Variants in CDH4 observed in about 807,000 individuals in gnomAD.
The protein encoded by CDH4 is cadherin-4.
Under a neutral mutation model 86.0 loss-of-function variants are expected in CDH4, and 33 were observed. The ratio of observed to expected loss-of-function variants is 0.38; its 90% CI spans 0.29 to 0.51. The LOEUF (loss-of-function observed/expected upper bound fraction) is 0.51. Ranked by LOEUF, CDH4 falls within the 20% of genes least tolerant of loss-of-function variation. The pLI, the probability that CDH4 is intolerant of heterozygous loss-of-function variation, is 0.86. For synonymous variants in CDH4, 555 were observed against 549.4 expected, an observed-to-expected ratio of 1.01 and a Z score of -0.14; for missense variants, 1,114 against 1,307.4, an observed-to-expected ratio of 0.85 and a Z score of 2.28.
intron 4 of CDH4, among the ~76,000 whole-genome samples, chr20:61,835,791 CCT>C (rs1408174317): frequency 3.9e-5 from 6 of 152,186 alleles, no homozygotes; most frequent in Non-Finnish European, 7.4e-5. Context: ...TCCAGGTGGG[CCT>C]CTCTGTGGCT....
chr20:61,621,620 G>A (rs60772399), intron 2 of CDH4, among the ~76,000 whole-genome samples: 18,668 of 152,116 alleles, frequency 0.12, 1,557 homozygotes, highest in African/African-American at 0.23. Context: ...CAGCACACAC[G>A]AGCATCAGCT....
intron 2 of CDH4, among the ~76,000 whole-genome samples, chr20:61,736,311 A>C (rs1252328866): frequency 6.6e-6 from 1 of 152,118 alleles, no homozygotes. Flanking sequence ...TGCAAGTGCC[A>C]TCAGCACTAC....
intron 9 of CDH4, among the ~76,000 whole-genome samples, chr20:61,917,797 C>A (rs1284311137): frequency 6.6e-6 from 1 of 152,250 alleles, no homozygotes; most frequent in Non-Finnish European, 1.5e-5. Flanking sequence ...ACTGCTGGAG[C>A]AAATTACCTA....
intron 2 of CDH4, among the ~76,000 whole-genome samples, chr20:61,730,718 C>T (rs1373269161): frequency 6.6e-6 from 1 of 152,210 alleles, no homozygotes; most frequent in African/African-American, 2.4e-5. Context: ...CCAGGGCAAC[C>T]TGAGCAGCCA....
intron 2 of CDH4, among the ~76,000 whole-genome samples, chr20:61,275,773 T>C (rs2084228296): frequency 6.6e-6 from 1 of 152,064 alleles, no homozygotes; most frequent in Non-Finnish European, 1.5e-5. Context: ...ACTGTGCTTT[T>C]CTGAAGGATC....
Position 61,803,117 on chromosome 20 carries a change from G to A in CDH4, c.576+29935G>A, listed in dbSNP as rs117131162. 5.9e-3 allele frequency among the ~76,000 whole-genome samples: 895 copies of A among 152,312 alleles called. 6 individuals are homozygous for A. Among genetic ancestry groups the A allele is most frequent in the Admixed American group, 0.01 (159 of 15,306 alleles). On this transcript the variant is annotated intron_variant, in intron 4 of 15. Coordinates refer to ENST00000614565, the MANE Select transcript of CDH4 (RefSeq NM_001794.5). ...GAGCGGCCAGCCCTGTCTCAGCAGC[G>A]CGGCGAGTCGCAGCTCCGTCGTTGA... is the stretch of plus-strand genomic sequence containing the variant.
At chr20:61,283,775 G>C (rs2084277934) in intron 2 of CDH4, among the ~76,000 whole-genome samples, 1 of 152,220 alleles carries the variant, frequency 6.6e-6, no homozygotes, top group African/African-American at 2.4e-5. Context: ...TGAATTTCTG[G>C]TTCAGAAGCT....
chr20:61,860,703 ACTGAAGGCGT>A (rs1216886631), intron 6 of CDH4, among the ~76,000 whole-genome samples: 1 of 152,146 alleles, frequency 6.6e-6, no homozygotes, highest in Non-Finnish European at 1.5e-5. Context: ...GACAGTGACC[ACTGAAGGCGT>A]CTGTCCAGGT....
At chr20:61,322,644 T>A (rs1175690591) in intron 2 of CDH4, among the ~76,000 whole-genome samples, 1 of 152,184 alleles carries the variant, frequency 6.6e-6, no homozygotes, top group Non-Finnish European at 1.5e-5. Context: ...CCCAGAGCCC[T>A]TTCCAGGCAA....
At chr20:61,305,648 G>A (rs1258515905) in intron 2 of CDH4, among the ~76,000 whole-genome samples, 1 of 152,168 alleles carries the variant, frequency 6.6e-6, no homozygotes, top group African/African-American at 2.4e-5. Flanking sequence ...CAGGGCTTTG[G>A]TGGCCATGAG....
chr20:61,870,212 C>T lies in CDH4; in HGVS notation c.878-3516C>T, dbSNP rs148401600. On this transcript the variant is annotated intron_variant, in intron 6 of 15. Transcript: ENST00000614565. ...AGCCCTGCTCCACCGCTGTCCGATG[C>T]GTGACTGGCCCGAGTTCCTGCACGT... Among the ~76,000 whole-genome samples, 92 of 152,294 alleles carry T rather than the reference C, an allele frequency of 6.0e-4. No individual in the cohort carries two copies. The East Asian group carries it at 0.013, about 21-fold the overall frequency.
intron 4 of CDH4, among the ~76,000 whole-genome samples, chr20:61,838,638 C>T (rs999310468): frequency 2.0e-5 from 3 of 151,992 alleles, no homozygotes; most frequent in Admixed American, 1.3e-4. Flanking sequence ...GAAACCCCGT[C>T]TCTCCTAAAA....
chr20:61,747,596 G>A (rs1408339912), intron 3 of CDH4, among the ~76,000 whole-genome samples: 2 of 152,158 alleles, frequency 1.3e-5, no homozygotes, highest in African/African-American at 4.8e-5. Context: ...CTTAATCGTT[G>A]GGCAGTTTGG....
intron 2 of CDH4, among the ~76,000 whole-genome samples, chr20:61,595,588 T>G (rs2086551541): frequency 6.6e-6 from 1 of 152,242 alleles, no homozygotes; most frequent in South Asian, 2.1e-4. Context: ...TTTCTGTTAC[T>G]TCTTTATTGT....
At chr20:61,700,192 T>C (rs2087760115) in intron 2 of CDH4, among the ~76,000 whole-genome samples, 1 of 152,184 alleles carries the variant, frequency 6.6e-6, no homozygotes, top group Admixed American at 6.5e-5. Context: ...TGCTCTTGCC[T>C]TCAAAGACTG....
At chr20:61,488,460 C>T (rs765605518) in intron 2 of CDH4, among the ~76,000 whole-genome samples, 5 of 152,192 alleles carry the variant, frequency 3.3e-5, no homozygotes, top group African/African-American at 4.8e-5. Context: ...AGGCATCCCA[C>T]GGTGGTGATT....
chr20:61,418,204 T>G (rs2085157178), intron 2 of CDH4, among the ~76,000 whole-genome samples: 1 of 121,712 alleles, frequency 8.2e-6, no homozygotes, highest in South Asian at 2.7e-4. Flanking sequence ...TTTTTTCTTT[T>G]TTTTCTTTTT....
chr20:61,434,409 G>A (rs988204664), intron 2 of CDH4, among the ~76,000 whole-genome samples: 5 of 152,202 alleles, frequency 3.3e-5, no homozygotes, highest in Admixed American at 2.0e-4. Context: ...AGGGATGAAC[G>A]TGGGTGATTT....
At chr20:61,910,951 T>A (rs551627710) in intron 9 of CDH4, among the ~76,000 whole-genome samples, 10 of 152,224 alleles carry the variant, frequency 6.6e-5, no homozygotes, top group Non-Finnish European at 1.0e-4. Flanking sequence ...CACTGAGTAG[T>A]GAGGTAATAT....
Sources: gnomAD v4.1 joint callset for allele counts (sites outside exome capture counted in the v4.1 genomes callset) on GRCh38, gnomAD v4.1.1 for gene constraint, MANE v1.5 for transcripts, NCBI Gene and HGNC (gene_info 2026-07-23, HGNC 2026-07-21) for gene names.